The following FBXL7 variants were observed in gnomAD, a reference collection of about 807,000 sequenced individuals.
FBXL7 encodes the protein F-box and leucine rich repeat protein 7.
In FBXL7, 12 loss-of-function variants were observed where a neutral mutation model predicts 38.3. That is an observed-to-expected ratio of 0.31 (90% CI 0.20 to 0.51). FBXL7 has a LOEUF of 0.51. Among genes scored for constraint, FBXL7 ranks in the 20% least tolerant of loss-of-function variants. The pLI is 0.98. For synonymous variants in FBXL7, 297 were observed against 300.9 expected (o/e 0.99, Z 0.13); for missense variants, 567 against 676.4 (o/e 0.84, Z 1.79).
intron 1 of FBXL7, among the ~76,000 whole-genome samples, chr5:15,568,312 C>T (rs1738654543): frequency 6.6e-6 from 1 of 152,186 alleles, no homozygotes; most frequent in Non-Finnish European, 1.5e-5. Flanking sequence ...GATGATATCT[C>T]ATAGTGGTTT....
chr5:15,828,329 CA>C (rs1163476168), intron 2 of FBXL7, among the ~76,000 whole-genome samples: 2 of 152,088 alleles, frequency 1.3e-5, no homozygotes, highest in Non-Finnish European at 2.9e-5. Context: ...AAGAAAATGA[CA>C]TAGTATTTCT....
At chr5:15,546,592 G>A (rs532037475) in intron 1 of FBXL7, among the ~76,000 whole-genome samples, 3 of 151,980 alleles carry the variant, frequency 2.0e-5, no homozygotes, top group Non-Finnish European at 4.4e-5. Flanking sequence ...TTAGCTGGGT[G>A]TGGTGGCAGG....
chr5:15,891,926 G>T (rs556640452), intron 2 of FBXL7, among the ~76,000 whole-genome samples: 2 of 152,208 alleles, frequency 1.3e-5, no homozygotes, highest in African/African-American at 4.8e-5. Context: ...CTTGACTGCA[G>T]TGGGGCCAGA....
chr5:15,750,533 A>G (rs1260770461), intron 2 of FBXL7, among the ~76,000 whole-genome samples: 5 of 152,190 alleles, frequency 3.3e-5, no homozygotes, highest in African/African-American at 7.2e-5. Flanking sequence ...TGCAGTTTCT[A>G]TCAAGTCTCT....
At chr5:15,541,599 C>T (rs1737756781) in intron 1 of FBXL7, among the ~76,000 whole-genome samples, 1 of 135,782 alleles carries the variant, frequency 7.4e-6, no homozygotes, top group Non-Finnish European at 1.5e-5. Flanking sequence ...GGCTGAAGTA[C>T]AGTGGTGCGA....
intron 2 of FBXL7, among the ~76,000 whole-genome samples, chr5:15,629,124 A>T (rs1740916301): frequency 6.6e-6 from 1 of 152,062 alleles, no homozygotes; most frequent in Non-Finnish European, 1.5e-5. Flanking sequence ...CAAAAAAAAA[A>T]AAATTGAGAA....
At chr5:15,662,631 G>C (rs1270807094) in intron 2 of FBXL7, among the ~76,000 whole-genome samples, 2 of 152,002 alleles carry the variant, frequency 1.3e-5, no homozygotes, top group African/African-American at 4.8e-5. Flanking sequence ...TTACAGTTTT[G>C]GGCTTTACAT....
chr5:15,935,110 T>A, intron 3 of FBXL7: 1 of 529,020 alleles, frequency 1.9e-6, no homozygotes, highest in Non-Finnish European at 3.9e-6. Context: ...GCATTTGTGG[T>A]GTGCGGGAAA....
chr5:15,917,572 C>T (rs1741616853), intron 2 of FBXL7, among the ~76,000 whole-genome samples: 1 of 151,452 alleles, frequency 6.6e-6, no homozygotes, highest in African/African-American at 2.4e-5. Flanking sequence ...CATGTCACTG[C>T]ACTCCAGCCT....
chr5:15,930,496 G>T (rs1210763411), intron 3 of FBXL7, among the ~76,000 whole-genome samples: 1 of 152,116 alleles, frequency 6.6e-6, no homozygotes, highest in Non-Finnish European at 1.5e-5. Context: ...CTTTTGGAGG[G>T]TCCTTTTGAA....
chr5:15,519,985 C>T (rs1168032334), intron 1 of FBXL7, among the ~76,000 whole-genome samples: 1 of 152,160 alleles, frequency 6.6e-6, no homozygotes, highest in Non-Finnish European at 1.5e-5. Flanking sequence ...CTCCTGGTTG[C>T]CTATTTTTAT....
intron 2 of FBXL7, among the ~76,000 whole-genome samples, chr5:15,711,504 A>T (rs1032596702): frequency 6.6e-6 from 1 of 152,216 alleles, no homozygotes; most frequent in African/African-American, 2.4e-5. Flanking sequence ...TCACATTCTG[A>T]GATCCTGCGA....
chr5:15,794,694 G>A (rs1737369596), intron 2 of FBXL7, among the ~76,000 whole-genome samples: 1 of 152,182 alleles, frequency 6.6e-6, no homozygotes, highest in South Asian at 2.1e-4. Context: ...TTTGTGAACA[G>A]TATCTTTCAT....
intron 2 of FBXL7, among the ~76,000 whole-genome samples, chr5:15,889,368 G>A (rs1355371342): frequency 6.6e-6 from 1 of 152,148 alleles, no homozygotes; most frequent in African/African-American, 2.4e-5. Context: ...CATGACTTCT[G>A]AGTATCTTCC....
intron 2 of FBXL7, among the ~76,000 whole-genome samples, chr5:15,708,104 T>C (rs1476057379): frequency 1.3e-5 from 2 of 152,168 alleles, no homozygotes; most frequent in Non-Finnish European, 2.9e-5. Flanking sequence ...TCTTACCATT[T>C]CTCCTTCAGC....
Position 15,936,604 on chromosome 5 carries a change from G to A in FBXL7, c.894G>A (p.Thr298=). 1.2e-6 allele frequency: 2 copies of A among 1,610,866 alleles called. No homozygotes were observed. The highest frequency in any genetic ancestry group is 2.2e-5 in the East Asian group (1 of 44,878). The change falls in exon 4 of 4, where the codon ACG becomes ACA. Residue 298 remains threonine, a synonymous_variant. Transcript: ENST00000504595. This position sits in a 1 kb window ranked among gnomAD's most constrained non-coding sequence, Gnocchi z 6.0. ...EGLHTIAAHC[T]QLTHLYLRRC... The stretch of plus-strand genomic sequence containing the variant: ...TGCACACCATCGCGGCGCACTGCAC[G>A]CAGCTCACCCACCTCTACCTGCGCC...
At chr5:15,633,913 T>C (rs1355271701) in intron 2 of FBXL7, among the ~76,000 whole-genome samples, 2 of 151,932 alleles carry the variant, frequency 1.3e-5, no homozygotes, top group Non-Finnish European at 2.9e-5. Flanking sequence ...CCCGAGTACC[T>C]GGGATTACAG....
chr5:15,727,584 A>G (rs942314982), intron 2 of FBXL7, among the ~76,000 whole-genome samples: 1 of 152,076 alleles, frequency 6.6e-6, no homozygotes, highest in Non-Finnish European at 1.5e-5. Flanking sequence ...AAATCTGCTG[A>G]TCATCTTTAG....
chr5:15,829,913 G>A (rs1411322127), intron 2 of FBXL7, among the ~76,000 whole-genome samples: 1 of 152,104 alleles, frequency 6.6e-6, no homozygotes, highest in Non-Finnish European at 1.5e-5. Flanking sequence ...CTCTAGTACA[G>A]TATAATAATT....
Sources: gnomAD v4.1 joint callset for allele counts (sites outside exome capture counted in the v4.1 genomes callset) on GRCh38, gnomAD v4.1.1 for gene constraint, Gnocchi (gnomAD v3.1) non-coding constraint, MANE v1.5 for transcripts, NCBI Gene and HGNC (gene_info 2026-07-23, HGNC 2026-07-21) for gene names.